SIK3: variants seen among roughly 807,000 people sequenced by gnomAD.
The protein encoded by SIK3 is serine/threonine-protein kinase SIK3.
SIK3 carries 28 observed loss-of-function variants against 144.2 expected under a neutral mutation model. The ratio of observed to expected loss-of-function variants is 0.19; its 90% CI spans 0.14 to 0.27. The LOEUF (loss-of-function observed/expected upper bound fraction) is 0.27, where lower values mean the gene tolerates loss of function less well. Ranked by LOEUF, SIK3 falls within the 10% of genes least tolerant of loss-of-function variation. SIK3 has a pLI of 1.00. For synonymous variants in SIK3, 686 were observed against 676.3 expected (o/e 1.01, Z -0.22); for missense variants, 1,319 against 1,776.0 (o/e 0.74, Z 4.62).
At chr11:117,016,194 T>C (rs908605376) in intron 1 of SIK3, among the ~76,000 whole-genome samples, 2 of 151,368 alleles carry the variant, frequency 1.3e-5, no homozygotes, top group Admixed American at 1.3e-4. Context: ...AGTGTAATGG[T>C]GTATGCCTGT....
rs113061656 is a variant in SIK3, at chr11:117,083,121, A to T, written c.273+15022T>A. ...ATCTAACAACCATTGATGTAACCTC[A>T]CTGCTATACGAGGTTGTGACTTGGT... On this transcript the variant is annotated intron_variant, in intron 1 of 24. Coordinates refer to ENST00000445177, the MANE Select transcript of SIK3 (RefSeq NM_001366686.3). Among the ~76,000 whole-genome samples, 1,096 of 152,322 alleles carry T rather than the reference A, an allele frequency of 7.2e-3. 6 individuals carry two copies. Among genetic ancestry groups the T allele is most frequent in the Middle Eastern group, 0.034 (10 of 294 alleles).
At chr11:116,956,443 C>T (rs1159122444) in intron 2 of SIK3, among the ~76,000 whole-genome samples, 2 of 151,920 alleles carry the variant, frequency 1.3e-5, no homozygotes, top group Admixed American at 1.3e-4. Context: ...ACTAAGTCTA[C>T]AATCCTATTA....
At chr11:116,990,030 T>C (rs1040213187) in intron 1 of SIK3, among the ~76,000 whole-genome samples, 10 of 152,302 alleles carry the variant, frequency 6.6e-5, no homozygotes, top group African/African-American at 2.4e-4. Context: ...AAAAGACCTT[T>C]TCTTCTCACT....
chr11:116,880,154 A>G (rs1169036915), intron 6 of SIK3, among the ~76,000 whole-genome samples: 1 of 152,174 alleles, frequency 6.6e-6, no homozygotes, highest in Non-Finnish European at 1.5e-5. Flanking sequence ...CAACAATAAC[A>G]ACAACACCAC....
chr11:116,964,906 T>A (rs879460174), intron 1 of SIK3, among the ~76,000 whole-genome samples: 3 of 151,794 alleles, frequency 2.0e-5, no homozygotes, highest in Non-Finnish European at 4.4e-5. Context: ...ATAATAATAA[T>A]AAAATACAAT....
At chr11:117,071,782 ATTTTT>A (rs57735255) in intron 1 of SIK3, among the ~76,000 whole-genome samples, 1 of 105,642 alleles carries the variant, frequency 9.5e-6, no homozygotes, top group South Asian at 3.3e-4. Context: ...TGCTTGGTTA[ATTTTT>A]TTTTTTTTTT....
At chr11:117,053,239 A>C (rs1239746562) in intron 1 of SIK3, among the ~76,000 whole-genome samples, 1 of 151,968 alleles carries the variant, frequency 6.6e-6, no homozygotes, top group Non-Finnish European at 1.5e-5. Flanking sequence ...CAGGAGGCTG[A>C]AGCAGGAGAA....
chr11:117,096,649 G>C (rs1955486867), intron 1 of SIK3, among the ~76,000 whole-genome samples: 1 of 152,136 alleles, frequency 6.6e-6, no homozygotes, highest in Non-Finnish European at 1.5e-5. Flanking sequence ...AAAGGCTGAA[G>C]AGGGCCCTCC....
intron 1 of SIK3, among the ~76,000 whole-genome samples, chr11:116,979,821 T>C (rs1161366382): frequency 6.6e-6 from 1 of 151,922 alleles, no homozygotes; most frequent in Non-Finnish European, 1.5e-5. Context: ...CACTCTAGCC[T>C]GGCCAACAGA....
intron 1 of SIK3, among the ~76,000 whole-genome samples, chr11:117,039,628 A>AT (rs1354300436): frequency 2.0e-5 from 3 of 152,170 alleles, no homozygotes; most frequent in African/African-American, 4.8e-5. Flanking sequence ...CAAAAGACAT[A>AT]TTTTTTTAAG....
intron 1 of SIK3, among the ~76,000 whole-genome samples, chr11:117,049,240 C>T (rs1232009923): frequency 2.0e-5 from 3 of 151,940 alleles, no homozygotes; most frequent in Admixed American, 1.3e-4. Context: ...CCATAAACAC[C>T]ATATATTAGG....
At chr11:116,879,113 A>C (rs906788945) in intron 6 of SIK3, among the ~76,000 whole-genome samples, 4 of 152,338 alleles carry the variant, frequency 2.6e-5, no homozygotes, top group Admixed American at 1.3e-4. Context: ...GAGCTGCATA[A>C]ATATCTACTG....
chr11:116,954,215 T>A, intron 2 of SIK3, 108 bp from the exon 3 acceptor site: 2 of 779,716 alleles, frequency 2.6e-6, no homozygotes, highest in Non-Finnish European at 4.1e-6. Context: ...ATAACCACTA[T>A]AGATTAAAGA....
At chr11:117,011,231 G>A (rs1207817239) in intron 1 of SIK3, among the ~76,000 whole-genome samples, 1 of 151,632 alleles carries the variant, frequency 6.6e-6, no homozygotes, top group Non-Finnish European at 1.5e-5. Flanking sequence ...TTTTCCCCCT[G>A]TAAACAGAAG....
chr11:116,869,877 A>T, intron 14 of SIK3: 1 of 316,774 alleles, frequency 3.2e-6, no homozygotes, highest in Non-Finnish European at 6.2e-6. Flanking sequence ...AGAAGCACAC[A>T]GCAAACAGTA....
chr11:116,861,892 AGAGGTGGAGATGGCTGAG>A lies in SIK3; in HGVS notation c.2246_2263del (p.Pro749_Pro754del). 6.2e-7 allele frequency: 1 copy of A among 1,612,040 alleles called. No individual in the cohort carries two copies. The highest frequency in any genetic ancestry group is 8.5e-7 in the Non-Finnish European group (1 of 1,179,250). The stretch of plus-strand genomic sequence containing the variant: ...TGGCTGATTTTCACATGCAGCCTGA[AGAGGTGGAGATGGCTGAG>A]GAGGACAGATAGAGTCCTAAAACAT... On this transcript the variant is annotated inframe_deletion, in exon 18 of 25. Transcript: ENST00000445177.
intron 4 of SIK3, among the ~76,000 whole-genome samples, chr11:116,918,334 T>G (rs1667410018): frequency 6.6e-6 from 1 of 152,170 alleles, no homozygotes; most frequent in Admixed American, 6.5e-5. Flanking sequence ...TCCCTTTCCC[T>G]GTAGAGGGAG....
intron 1 of SIK3, among the ~76,000 whole-genome samples, chr11:117,031,259 T>G (rs1419188840): frequency 6.6e-6 from 1 of 152,028 alleles, no homozygotes; most frequent in East Asian, 1.9e-4. Context: ...TCTCCTGTTA[T>G]TTTCTAAAAT....
rs147524331 is a variant in SIK3 at position 116,988,106 on chromosome 11, T to A, written c.274-31042A>T. Among the ~76,000 whole-genome samples, 15 of 152,194 alleles carry A rather than the reference T, an allele frequency of 9.9e-5. 1 individual carries two copies. The East Asian group carries it at 2.9e-3, about 29-fold the overall frequency. The stretch of plus-strand genomic sequence containing the variant: ...AAAGCCTAAGTACAAAATAAAGAGA[T>A]CCTGGTGCAGAAAAATGCAGTAACG... On this transcript the variant is annotated intron_variant, in intron 1 of 24. Coordinates refer to ENST00000445177, the MANE Select transcript of SIK3 (RefSeq NM_001366686.3).
Sources: allele counts gnomAD v4.1 joint callset (sites outside exome capture counted in the v4.1 genomes callset), GRCh38; gene constraint gnomAD v4.1.1; transcripts MANE v1.5; gene names NCBI Gene and HGNC (gene_info 2026-07-23, HGNC 2026-07-21).